GALK2: variants seen among roughly 807,000 people sequenced by gnomAD.
GALK2 encodes galactokinase 2.
Under a neutral mutation model 52.4 loss-of-function variants are expected in GALK2, and 36 were observed. The ratio of observed to expected loss-of-function variants is 0.69; its 90% CI spans 0.53 to 0.91. The LOEUF is 0.91. Ranked by LOEUF, GALK2 falls within the 40% of genes least tolerant of loss-of-function variation. GALK2 has a pLI of 0.00. For synonymous variants in GALK2, 176 were observed against 199.1 expected (o/e 0.88, Z 0.98); for missense variants, 579 against 559.1 (o/e 1.04, Z -0.36).
intron 5 of GALK2, among the ~76,000 whole-genome samples, chr15:49,260,009 T>C (rs2141617773): frequency 6.6e-6 from 1 of 151,472 alleles, no homozygotes; most frequent in Admixed American, 6.6e-5. Flanking sequence ...GTTCCAAGTC[T>C]TTGCTATTGT....
rs960806833 is a variant in GALK2 at position 49,328,649 on chromosome 15, T to C, written c.*490T>C. On this transcript the variant is annotated 3_prime_UTR_variant, in exon 10 of 10. Transcript: ENST00000560031. ...ATGATGACGATAGTGATGCCACACA[T>C]TCTCTCTCAATTTCAGCTTCGGAAC... The C allele has an allele frequency of 6.4e-7, 1 of 1,572,970 alleles. No individual in the cohort carries two copies. The highest frequency in any genetic ancestry group is 8.7e-7 in the Non-Finnish European group (1 of 1,155,796).
chr15:49,231,661 C>T (rs1321822881), intron 3 of GALK2, among the ~76,000 whole-genome samples: 1 of 152,194 alleles, frequency 6.6e-6, no homozygotes, highest in East Asian at 1.9e-4. Context: ...AGTGAGGGTA[C>T]AGGCACTGGG....
intron 3 of GALK2, among the ~76,000 whole-genome samples, chr15:49,350,923 C>T (rs543863138): frequency 7.9e-5 from 12 of 152,290 alleles, no homozygotes; most frequent in South Asian, 2.1e-4. Flanking sequence ...CAGCTTTCCC[C>T]GTGTGCATCA....
intron 1 of GALK2, among the ~76,000 whole-genome samples, chr15:49,194,720 C>T (rs751667543): frequency 8.6e-5 from 13 of 151,116 alleles, no homozygotes; most frequent in Non-Finnish European, 5.9e-5. Context: ...CTCAGCCTCC[C>T]GAGTAGCTAG....
At chr15:49,160,713 T>A (rs945113955) in intron 1 of GALK2, among the ~76,000 whole-genome samples, 1 of 151,820 alleles carries the variant, frequency 6.6e-6, no homozygotes, top group Non-Finnish European at 1.5e-5. Context: ...AAATACAAAA[T>A]ACAAAAATTA....
At chr15:49,204,386 A>G (rs1384170946) in intron 2 of GALK2, among the ~76,000 whole-genome samples, 1 of 151,290 alleles carries the variant, frequency 6.6e-6, no homozygotes, top group Admixed American at 6.6e-5. Flanking sequence ...GAAGAATGTC[A>G]TTGGTATCAT....
chr15:49,169,412 C>T (rs1353646092), upstream of GALK2, among the ~76,000 whole-genome samples: 2 of 152,002 alleles, frequency 1.3e-5, no homozygotes, highest in African/African-American at 2.4e-5. Context: ...TCACTGTGAC[C>T]TCAGGCACAT....
chr15:49,337,161 CAT>C (rs1359681257), intron 3 of GALK2, among the ~76,000 whole-genome samples: 10 of 152,148 alleles, frequency 6.6e-5, no homozygotes, highest in African/African-American at 2.2e-4. Flanking sequence ...CATATGAGTA[CAT>C]ATGTCTTTTT....
intron 1 of GALK2, among the ~76,000 whole-genome samples, chr15:49,173,313 A>G (rs2085224994): frequency 6.6e-6 from 1 of 152,194 alleles, no homozygotes; most frequent in African/African-American, 2.4e-5. Context: ...TATACATTCA[A>G]CAATTGATGG....
At chr15:49,211,235 G>A (rs1258300619) in intron 2 of GALK2, among the ~76,000 whole-genome samples, 2 of 152,192 alleles carry the variant, frequency 1.3e-5, no homozygotes, top group Non-Finnish European at 2.9e-5. Context: ...CAGAGCAGGG[G>A]CACAATGCCT....
downstream of GALK2, chr15:49,335,460 C>T (rs760690765): frequency 6.2e-7 from 1 of 1,613,568 alleles, no homozygotes; most frequent in Admixed American, 1.7e-5. Context: ...GTCTTTTTGC[C>T]TCCTTTATAA....
chr15:49,181,501 C>CTTT (rs370757144), intron 1 of GALK2, among the ~76,000 whole-genome samples: 9 of 113,620 alleles, frequency 7.9e-5, no homozygotes, highest in South Asian at 2.8e-4. Context: ...AAAAAAAAGA[C>CTTT]TTTTTTTTTT....
intron 8 of GALK2, among the ~76,000 whole-genome samples, chr15:49,308,534 T>A (rs1332874442): frequency 2.0e-5 from 3 of 152,348 alleles, no homozygotes; most frequent in African/African-American, 7.2e-5. Context: ...ATTCTTAAAA[T>A]ACTTATTGCT....
intron 3 of GALK2, among the ~76,000 whole-genome samples, chr15:49,344,523 G>A (rs1273582530): frequency 6.6e-6 from 1 of 152,114 alleles, no homozygotes; most frequent in Non-Finnish European, 1.5e-5. Flanking sequence ...GTTCCAATAT[G>A]ACACTTTCCC....
chr15:49,169,961 G>C, upstream of GALK2: 1 of 210,534 alleles, frequency 4.7e-6, no homozygotes, highest in East Asian at 1.1e-4. Flanking sequence ...TATGTAGGGC[G>C]CCAGGTTATG....
At chr15:49,259,992 T>TG (rs2092020132) in intron 5 of GALK2, among the ~76,000 whole-genome samples, 1 of 151,516 alleles carries the variant, frequency 6.6e-6, no homozygotes. Context: ...GTTGGACATT[T>TG]GGGTTGGTTC....
chr15:49,250,691 G>A (rs977183808), intron 5 of GALK2, among the ~76,000 whole-genome samples: 2 of 152,034 alleles, frequency 1.3e-5, no homozygotes, highest in Non-Finnish European at 1.5e-5. Context: ...CATAGACATC[G>A]GAAAACCCTG....
intron 3 of GALK2, among the ~76,000 whole-genome samples, chr15:49,364,303 T>A (rs1197513069): frequency 6.6e-6 from 1 of 152,166 alleles, no homozygotes; most frequent in East Asian, 1.9e-4. Flanking sequence ...TTGTTATTGG[T>A]CTGTTCAGGG....
intron 2 of GALK2, among the ~76,000 whole-genome samples, chr15:49,211,264 C>T (rs2088861029): frequency 6.6e-6 from 1 of 152,190 alleles, no homozygotes; most frequent in Admixed American, 6.5e-5. Flanking sequence ...TTTGCTAAAG[C>T]ATAACAAAAG....
Sources: allele counts gnomAD v4.1 joint callset (sites outside exome capture counted in the v4.1 genomes callset), GRCh38; gene constraint gnomAD v4.1.1; transcripts MANE v1.5; gene names NCBI Gene and HGNC (gene_info 2026-07-23, HGNC 2026-07-21).